The following ELAVL2 variants were observed in gnomAD, a reference collection of about 807,000 sequenced individuals.
ELAVL2 encodes the protein ELAV-like protein 2.
Under a neutral mutation model 34.6 loss-of-function variants are expected in ELAVL2, and 4 were observed. That is an observed-to-expected ratio of 0.12 (90% CI 0.06 to 0.26). The LOEUF (loss-of-function observed/expected upper bound fraction) is 0.26, where lower values mean the gene tolerates loss of function less well. Among genes scored for constraint, ELAVL2 ranks in the 10% least tolerant of loss-of-function variants. The pLI is 1.00. For missense variants in ELAVL2, 432 were observed against 442.8 expected, an observed-to-expected ratio of 0.98 and a Z score of 0.22; for synonymous variants, 193 against 154.8, an observed-to-expected ratio of 1.25 and a Z score of -1.83.
intron 2 of ELAVL2, among the ~76,000 whole-genome samples, chr9:23,736,524 A>C (rs2047929323): frequency 1.3e-5 from 2 of 152,110 alleles, no homozygotes. Context: ...CAATGGTCAG[A>C]GCAGGCCCTA....
chr9:23,812,867 TTCA>T (rs1315475375), intron 1 of ELAVL2, among the ~76,000 whole-genome samples: 1 of 152,116 alleles, frequency 6.6e-6, no homozygotes, highest in Non-Finnish European at 1.5e-5. Context: ...CACATTCTGA[TTCA>T]TCGTTATAAC....
chr9:23,709,620 A>G (rs185700421), intron 3 of ELAVL2, among the ~76,000 whole-genome samples: 19 of 152,346 alleles, frequency 1.2e-4, no homozygotes, highest in African/African-American at 4.3e-4. Context: ...CTATTTAGAA[A>G]TGCTTCAAAA....
chr9:23,841,451 C>T, the ELAVL2 span, among the ~76,000 whole-genome samples: 4 of 152,092 alleles, frequency 2.6e-5, no homozygotes, highest in African/African-American at 9.7e-5. Flanking sequence ...TAGAGAAACT[C>T]TCTCTCTAGG....
chr9:23,731,337 T>C (rs895383279), intron 2 of ELAVL2, among the ~76,000 whole-genome samples: 1 of 140,202 alleles, frequency 7.1e-6, no homozygotes, highest in African/African-American at 2.5e-5. Flanking sequence ...CAGTGCTGTT[T>C]AGGAAAAAAA....
At chr9:23,736,663 C>T (rs1351974717) in intron 2 of ELAVL2, among the ~76,000 whole-genome samples, 2 of 152,208 alleles carry the variant, frequency 1.3e-5, no homozygotes, top group African/African-American at 4.8e-5. Context: ...CCAGCTAAAT[C>T]GGCCCCTTGT....
chr9:23,708,798 C>T (rs1340031100), intron 3 of ELAVL2, among the ~76,000 whole-genome samples: 1 of 152,028 alleles, frequency 6.6e-6, no homozygotes. Flanking sequence ...TGTACCACCA[C>T]ACTGGCTTTT....
chr9:23,831,430 T>A, the ELAVL2 span: 1 of 152,132 alleles, frequency 6.6e-6, no homozygotes, highest in African/African-American at 2.4e-5. Flanking sequence ...CAAACCCTTG[T>A]CCCACAGAGC....
intron 1 of ELAVL2, among the ~76,000 whole-genome samples, chr9:23,775,608 C>G (rs2058062487): frequency 6.6e-6 from 1 of 152,104 alleles, no homozygotes; most frequent in Non-Finnish European, 1.5e-5. Context: ...CAGCACTCCA[C>G]TACTATCTCT....
the ELAVL2 span, chr9:23,849,557 G>A: frequency 1.4e-4 from 22 of 152,180 alleles, no homozygotes; most frequent in Non-Finnish European, 2.4e-4. Context: ...CCGAGTTCAG[G>A]AAGTCAGAGC....
chr9:23,826,205 TCTAA>T lies in ELAVL2; in HGVS notation c.-419_-416del, dbSNP rs538254340. 1.2e-4 allele frequency: 19 copies of T among 152,320 alleles called. No homozygotes were observed. In the South Asian group the frequency reaches 1.4e-3, roughly 12 times the overall value. 9.4% of individuals were successfully genotyped at this position (152,320 alleles called of 1,614,324 possible). A position where few individuals can be genotyped will look rare whatever the true frequency, so the allele number is the denominator to read the frequency against. ...CGCTACAGGAGTAAGCTGCTGCATCTCTAACTAAGAACAGAAATAGGGGGGAGGA... is the reference window on the plus strand; with the variant it reads ...CGCTACAGGAGTAAGCTGCTGCATCTCTAAGAACAGAAATAGGGGGGAGGA... On this transcript the variant is annotated 5_prime_UTR_variant, in exon 1 of 7. Coordinates refer to ENST00000397312, the MANE Select transcript of ELAVL2 (RefSeq NM_004432.5).
At chr9:23,755,315 TA>T (rs2053280320) in intron 2 of ELAVL2, among the ~76,000 whole-genome samples, 1 of 152,150 alleles carries the variant, frequency 6.6e-6, no homozygotes, top group Non-Finnish European at 1.5e-5. Context: ...ATCTTTCCAC[TA>T]AACTAATCAA....
At chr9:23,840,172 C>A in the ELAVL2 span, among the ~76,000 whole-genome samples, 3 of 152,124 alleles carry the variant, frequency 2.0e-5, no homozygotes, top group African/African-American at 7.2e-5. Context: ...AAATAACCTA[C>A]CTTTTAGGGC....
chr9:23,748,087 A>C (rs1249452501), intron 2 of ELAVL2, among the ~76,000 whole-genome samples: 2 of 150,416 alleles, frequency 1.3e-5, no homozygotes, highest in South Asian at 4.3e-4. Context: ...TAATTGTTCC[A>C]GTGGTCTAAA....
chr9:23,761,739 T>C (rs1480305035), intron 2 of ELAVL2, among the ~76,000 whole-genome samples: 1 of 152,090 alleles, frequency 6.6e-6, no homozygotes, highest in East Asian at 1.9e-4. Context: ...CTATCCCAGA[T>C]ACATATACTT....
chr9:23,842,512 T>A, the ELAVL2 span, among the ~76,000 whole-genome samples: 2,131 of 152,232 alleles, frequency 0.014, 18 homozygotes, highest in Middle Eastern at 0.031. Context: ...CCCTTGATAC[T>A]GGCCAGTCTT....
At chr9:23,712,499 G>C (rs2041244234) in intron 3 of ELAVL2, among the ~76,000 whole-genome samples, 1 of 152,130 alleles carries the variant, frequency 6.6e-6, no homozygotes, top group Non-Finnish European at 1.5e-5. Flanking sequence ...TACTAGTAAT[G>C]CCTGAGAATT....
intron 1 of ELAVL2, among the ~76,000 whole-genome samples, chr9:23,796,261 A>T (rs1010997040): frequency 6.6e-6 from 1 of 152,192 alleles, no homozygotes; most frequent in African/African-American, 2.4e-5. Flanking sequence ...GTTATTTACA[A>T]ATGTGGAAGC....
At chr9:23,718,711 C>T (rs1039797543) in intron 3 of ELAVL2, among the ~76,000 whole-genome samples, 2 of 152,168 alleles carry the variant, frequency 1.3e-5, no homozygotes, top group Admixed American at 6.5e-5. Context: ...TTATTCAATA[C>T]ATAAGGGGAT....
At chr9:23,754,573 C>T (rs1382524368) in intron 2 of ELAVL2, among the ~76,000 whole-genome samples, 1 of 152,108 alleles carries the variant, frequency 6.6e-6, no homozygotes, top group African/African-American at 2.4e-5. Context: ...ATTCTCCCAC[C>T]TCAGCCTTGT....
Sources: allele counts gnomAD v4.1 joint callset (sites outside exome capture counted in the v4.1 genomes callset), GRCh38; gene constraint gnomAD v4.1.1; transcripts MANE v1.5; gene names NCBI Gene and HGNC (gene_info 2026-07-23, HGNC 2026-07-21).